The following ENTREP2 variants were observed in gnomAD, a reference collection of about 807,000 sequenced individuals.
ENTREP2 encodes protein ENTREP2.
chr15:29,293,936 C>CT, the ENTREP2 span, among the ~76,000 whole-genome samples: 2 of 152,196 alleles, frequency 1.3e-5, no homozygotes, highest in Non-Finnish European at 2.9e-5. Flanking sequence ...TGTGGGGAAA[C>CT]TGAGGGTGGG....
the ENTREP2 span, among the ~76,000 whole-genome samples, chr15:29,644,415 T>G: frequency 6.6e-6 from 1 of 152,204 alleles, no homozygotes; most frequent in Non-Finnish European, 1.5e-5. Context: ...TGCCAGTATA[T>G]AAATGATATC....
the ENTREP2 span, chr15:29,234,254 G>A: frequency 2.5e-5 from 40 of 1,612,144 alleles, no homozygotes; most frequent in Middle Eastern, 1.6e-4. Context: ...TCTCTCTTCC[G>A]CAGAAGGAGT....
At chr15:29,157,394 G>A in the ENTREP2 span, among the ~76,000 whole-genome samples, 1 of 152,168 alleles carries the variant, frequency 6.6e-6, no homozygotes, top group Non-Finnish European at 1.5e-5. Flanking sequence ...TACAGAAGAG[G>A]GCATTTCTTT....
chr15:29,252,063 T>C, the ENTREP2 span, among the ~76,000 whole-genome samples: 1 of 152,210 alleles, frequency 6.6e-6, no homozygotes, highest in Admixed American at 6.5e-5. Flanking sequence ...TGCTAAAATA[T>C]AATAGTTACT....
At chr15:29,302,940 C>G in the ENTREP2 span, among the ~76,000 whole-genome samples, 3 of 152,174 alleles carry the variant, frequency 2.0e-5, no homozygotes, top group African/African-American at 4.8e-5. Flanking sequence ...TGCTGAGGAT[C>G]CTGATCCGGT....
the ENTREP2 span, among the ~76,000 whole-genome samples, chr15:29,367,778 C>T: frequency 2.0e-5 from 3 of 152,122 alleles, no homozygotes; most frequent in African/African-American, 7.2e-5. Context: ...TGTCCAATAA[C>T]TAGGTAACTC....
chr15:29,599,723 G>A, the ENTREP2 span, among the ~76,000 whole-genome samples: 1 of 152,164 alleles, frequency 6.6e-6, no homozygotes, highest in Non-Finnish European at 1.5e-5. Flanking sequence ...ACAGGGGCAG[G>A]CCATTTACCC....
the ENTREP2 span, among the ~76,000 whole-genome samples, chr15:29,310,849 T>A: frequency 1.3e-5 from 2 of 151,972 alleles, no homozygotes; most frequent in Non-Finnish European, 2.9e-5. Context: ...AACAAGACTA[T>A]GATGAAAAGA....
chr15:29,519,925 C>T, the ENTREP2 span, among the ~76,000 whole-genome samples: 205 of 152,330 alleles, frequency 1.3e-3, no homozygotes, highest in Non-Finnish European at 2.3e-3. Context: ...CATTCCTCCC[C>T]TGGACAATGA....
At chr15:29,153,192 T>C in the ENTREP2 span, among the ~76,000 whole-genome samples, 3 of 152,168 alleles carry the variant, frequency 2.0e-5, no homozygotes, top group Non-Finnish European at 2.9e-5. Flanking sequence ...TTATGTATTC[T>C]AGGTACTAGT....
the ENTREP2 span, among the ~76,000 whole-genome samples, chr15:29,213,092 G>A: frequency 6.6e-6 from 1 of 152,208 alleles, no homozygotes; most frequent in African/African-American, 2.4e-5. Flanking sequence ...TCAAAGATCA[G>A]ATGGTTGTAG....
chr15:29,268,351 T>G, the ENTREP2 span: 1 of 157,450 alleles, frequency 6.4e-6, no homozygotes, highest in South Asian at 2.0e-4. Context: ...TAAAATAGGT[T>G]AACATAATAA....
At chr15:29,299,049 A>G in the ENTREP2 span, among the ~76,000 whole-genome samples, 1 of 152,254 alleles carries the variant, frequency 6.6e-6, no homozygotes, top group Non-Finnish European at 1.5e-5. Flanking sequence ...CATAAAAATG[A>G]TAACACACCA....
chr15:29,338,564 A>C, the ENTREP2 span, among the ~76,000 whole-genome samples: 25 of 152,154 alleles, frequency 1.6e-4, no homozygotes, highest in African/African-American at 5.8e-4. Flanking sequence ...TGGAGGACAC[A>C]GAGGATGTCT....
the ENTREP2 span, among the ~76,000 whole-genome samples, chr15:29,403,436 T>G: frequency 6.6e-6 from 1 of 152,128 alleles, no homozygotes; most frequent in African/African-American, 2.4e-5. Context: ...GGCACAATAA[T>G]AAAAACAATG....
At chr15:29,159,081 T>G in the ENTREP2 span, among the ~76,000 whole-genome samples, 1 of 152,208 alleles carries the variant, frequency 6.6e-6, no homozygotes, top group South Asian at 2.1e-4. Context: ...GTTATTGGTC[T>G]CACTGACTTC....
the ENTREP2 span, among the ~76,000 whole-genome samples, chr15:29,421,166 T>C: frequency 6.6e-6 from 1 of 152,200 alleles, no homozygotes; most frequent in Non-Finnish European, 1.5e-5. Context: ...TCAGTATTAC[T>C]GAGAGGCTAT....
the ENTREP2 span, among the ~76,000 whole-genome samples, chr15:29,277,996 GA>G: frequency 6.6e-6 from 1 of 151,902 alleles, no homozygotes; most frequent in Non-Finnish European, 1.5e-5. Flanking sequence ...AGGCAGACAA[GA>G]AAGACCCCAT....
At chr15:29,280,079 A>C in the ENTREP2 span, among the ~76,000 whole-genome samples, 11 of 152,326 alleles carry the variant, frequency 7.2e-5, no homozygotes, top group African/African-American at 1.9e-4. Flanking sequence ...AGTAAAAAAA[A>C]CCCTCAGTTA....
Sources: allele counts gnomAD v4.1 joint callset (sites outside exome capture counted in the v4.1 genomes callset), GRCh38; gene constraint gnomAD v4.1.1; transcripts MANE v1.5; gene names NCBI Gene and HGNC (gene_info 2026-07-23, HGNC 2026-07-21).